Variants in DDX41 observed in about 807,000 individuals in gnomAD.
DDX41 encodes probable ATP-dependent RNA helicase DDX41.
In DDX41, 50 loss-of-function variants were observed where a neutral mutation model predicts 78.8. The observed-to-expected ratio is 0.63, with a 90% CI of 0.51 to 0.80. The LOEUF (loss-of-function observed/expected upper bound fraction) is 0.80, where lower values mean the gene tolerates loss of function less well. DDX41 is among the 30% of genes least tolerant of loss of function. The probability of loss-of-function intolerance (pLI) is 0.00; values close to 1 mark genes in which losing one functional copy is unlikely to be tolerated. For missense variants in DDX41, 633 were observed against 849.2 expected (o/e 0.75, Z 3.16); for synonymous variants, 381 against 321.5 (o/e 1.19, Z -1.98).
In DDX41 at chr5:177,513,574, CA is replaced by C. The variant is rs1761082583; in HGVS notation, c.1099-91del. 1 of 1,607,680 alleles carries C rather than the reference CA, an allele frequency of 6.2e-7. No homozygotes were observed. The highest frequency in any genetic ancestry group is 1.3e-5 in the African/African-American group (1 of 74,764). On this transcript the variant is annotated intron_variant, in intron 10 of 16. Transcript: ENST00000330503. The surrounding 1 kb of genome is among the most constrained non-coding windows in gnomAD (Gnocchi z 4.6). The stretch of plus-strand genomic sequence containing the variant: ...GAAGCTGAGCAACTGAGACACAGCC[CA>C]CAAAGTATGAGCAGTGGGTTGGGGT...
In DDX41 at chr5:177,516,197, A is replaced by G; in HGVS notation, c.299-4T>C. On this transcript the variant is annotated splice_region_variant and splice_polypyrimidine_tract_variant and intron_variant, in intron 3 of 16. Transcript: ENST00000330503. ...TCCTTGGCAGACTCTTTGCGCGCTG[A>G]GAAAAGAAGTGGAAGATGTCAGACA... is the stretch of plus-strand genomic sequence containing the variant. 5 of 1,614,120 alleles carry G rather than the reference A, an allele frequency of 3.1e-6. No homozygotes were observed. The highest frequency in any genetic ancestry group is 3.4e-6 in the Non-Finnish European group (4 of 1,180,046).
Position 177,514,342 on chromosome 5 carries a change from CCTT to C in DDX41, c.935+356_935+358del, listed in dbSNP as rs1196878081. On this transcript the variant is annotated intron_variant, in intron 9 of 16. Transcript: ENST00000330503. The surrounding 1 kb of genome is among the most constrained non-coding windows in gnomAD (Gnocchi z 4.2). ...CAGCCCTACCCCAGTGCCTCAACCT[CCTT>C]GACTGACCACTGAATGACCCTGACC... 1 of 461,176 alleles carries C rather than the reference CCTT, an allele frequency of 2.2e-6. No homozygotes were observed. The highest frequency in any genetic ancestry group is 2.0e-5 in the African/African-American group (1 of 50,552). The allele number at this position is 461,176 out of a possible 1,614,324, so 28.6% of individuals were successfully genotyped here. A position where few individuals can be genotyped will look rare whatever the true frequency, so the allele number is the denominator to read the frequency against.
rs1355532168 is a variant in DDX41, at chr5:177,514,160, T to C, written c.936-313A>G. 2 of 559,322 alleles carry C rather than the reference T, an allele frequency of 3.6e-6. No homozygotes were observed. Among genetic ancestry groups the C allele is most frequent in the Non-Finnish European group, 6.8e-6 (2 of 294,028 alleles). The allele number at this position is 559,322 out of a possible 1,614,324, so 34.6% of individuals were successfully genotyped here. A position where few individuals can be genotyped will look rare whatever the true frequency, so the allele number is the denominator to read the frequency against. Reference sequence around the variant, plus strand: ...CTTTCCTGGCCCACTGGCTTCACCTTTTCTGTGCTCACCATCTCCCTAATA... The same window carrying C: ...CTTTCCTGGCCCACTGGCTTCACCTCTTCTGTGCTCACCATCTCCCTAATA... On this transcript the variant is annotated intron_variant, in intron 9 of 16. Transcript: ENST00000330503. This position sits in a 1 kb window ranked among gnomAD's most constrained non-coding sequence, Gnocchi z 4.2.
intron 6 of DDX41, 163 bp from the exon 7 acceptor site, chr5:177,515,421 C>T (rs1360766186): frequency 1.1e-6 from 1 of 916,886 alleles, no homozygotes; most frequent in African/African-American, 1.7e-5. Flanking sequence ...GAGACTTGTC[C>T]AAGGCCCACA....
chr5:177,511,981 G>C, intron 16 of DDX41, 54 bp from the exon 17 acceptor site: 1 of 1,607,874 alleles, frequency 6.2e-7, no homozygotes, highest in Non-Finnish European at 8.5e-7. Context: ...TCCATGCCCT[G>C]GACTTCGGGC....
rs1639417520 is a variant in DDX41 at position 177,512,102 on chromosome 5, T to C, written c.1726A>G (p.Ile576Val). The change falls in exon 16 of 17, where the codon ATT becomes GTT. Residue 576 changes from isoleucine to valine, a missense_variant. Ile to Val is a conservative substitution (Grantham distance 29, BLOSUM62 3). Around this residue, in one of 6 missense-constraint regions of DDX41, gnomAD observed 185 missense variants for 367.4 expected, o/e 0.50. Coordinates refer to ENST00000330503, the MANE Select transcript of DDX41 (RefSeq NM_016222.4). ...LHCGDESMLD[I>V]GGERGCAFCG... ...GATCCCGCTCTGCAGTCACCTCCAA[T>C]GTCCAGCATGGACTCATCCCCGCAA... The C allele has an allele frequency of 5.6e-6, 9 of 1,613,030 alleles. No individual in the cohort carries two copies. Among genetic ancestry groups the C allele is most frequent in the Non-Finnish European group, 7.6e-6 (9 of 1,180,016 alleles).
chr5:177,512,921 A>G (rs1581803967), intron 12 of DDX41, 45 bp from the exon 13 acceptor site: 1 of 1,605,840 alleles, frequency 6.2e-7, no homozygotes, highest in Non-Finnish European at 8.5e-7. Context: ...CTGCCTGGGC[A>G]CCCACCGCAC....
intron 14 of DDX41, 26 bp from the exon 15 acceptor site, chr5:177,512,419 G>A (rs763678467): frequency 1.9e-6 from 3 of 1,613,960 alleles, no homozygotes; most frequent in African/African-American, 2.7e-5. Flanking sequence ...CAGAGTCTCT[G>A]GCCCATCGCT....
In DDX41 at chr5:177,516,212, G is replaced by A. The variant is rs1330694546; in HGVS notation, c.299-19C>T. The A allele has an allele frequency of 1.2e-6, 2 of 1,614,132 alleles. No individual in the cohort carries two copies. The highest frequency in any genetic ancestry group is 2.2e-5 in the East Asian group (1 of 44,884). Reference sequence around the variant, plus strand: ...TTGCGCGCTGAGAAAAGAAGTGGAAGATGTCAGACAGATACCAAAACGGTG... The same window carrying A: ...TTGCGCGCTGAGAAAAGAAGTGGAAAATGTCAGACAGATACCAAAACGGTG... On this transcript the variant is annotated intron_variant, in intron 3 of 16. Transcript: ENST00000330503.
chr5:177,513,613 G>A lies in DDX41; in HGVS notation c.1098+72C>T, dbSNP rs1761083961. Reference sequence around the variant, plus strand: ...AGTGGGTTGGGGTGGCCAGGGGCATGGGGTCCCTGCAGTCTGATGTGGCGT... The same window carrying A: ...AGTGGGTTGGGGTGGCCAGGGGCATAGGGTCCCTGCAGTCTGATGTGGCGT... On this transcript the variant is annotated intron_variant, in intron 10 of 16. Coordinates refer to ENST00000330503, the MANE Select transcript of DDX41 (RefSeq NM_016222.4). The surrounding 1 kb of genome is among the most constrained non-coding windows in gnomAD (Gnocchi z 4.6). 1.2e-6 allele frequency: 2 copies of A among 1,603,566 alleles called. No individual in the cohort carries two copies. Among genetic ancestry groups the A allele is most frequent in the Non-Finnish European group, 1.7e-6 (2 of 1,172,646 alleles).
chr5:177,515,658 T>C (rs1386786985), intron 6 of DDX41, 27 bp downstream of exon 6: 1 of 1,612,168 alleles, frequency 6.2e-7, no homozygotes, highest in Admixed American at 1.7e-5. Flanking sequence ...TATAAAAGTG[T>C]GGTATCTCTC....
chr5:177,514,813 C>T lies in DDX41; in HGVS notation c.823G>A (p.Gly275Ser), dbSNP rs756840368. The T allele has an allele frequency of 1.2e-6, 2 of 1,612,302 alleles. No individual in the cohort carries two copies. The highest frequency in any genetic ancestry group is 1.3e-5 in the African/African-American group (1 of 74,914). Reference protein sequence around the residue: ...PSRELARQTHGILEYYCRLLQ... With the variant: ...PSRELARQTHSILEYYCRLLQ... Reference sequence around the variant, plus strand: ...AGGCGGCAGTAGTACTCCAGGATGCCATGGGTCTGCCGGGCCAGCTCCCGC... The same window carrying T: ...AGGCGGCAGTAGTACTCCAGGATGCTATGGGTCTGCCGGGCCAGCTCCCGC... Residue 275 changes from glycine (G) to serine (S), a missense_variant, in exon 9 of 17, where the codon GGC becomes AGC. Coordinates refer to ENST00000330503, the MANE Select transcript of DDX41 (RefSeq NM_016222.4). The surrounding 1 kb of genome is among the most constrained non-coding windows in gnomAD (Gnocchi z 4.2).
In DDX41 at chr5:177,513,937, T is replaced by A. The variant is rs529069134; in HGVS notation, c.936-90A>T. On this transcript the variant is annotated intron_variant, in intron 9 of 16. Transcript: ENST00000330503. The surrounding 1 kb of genome is among the most constrained non-coding windows in gnomAD (Gnocchi z 4.6). ...GGCACCCTGCATCTGCTCTGCTCTCTGTCCTCCTTCCTATTTCTTTGTCTG... is the reference window on the plus strand; with the variant it reads ...GGCACCCTGCATCTGCTCTGCTCTCAGTCCTCCTTCCTATTTCTTTGTCTG... The A allele has an allele frequency of 7.7e-7, 1 of 1,298,870 alleles. No homozygotes were observed. The highest frequency in any genetic ancestry group is 2.3e-5 in the East Asian group (1 of 42,598). The allele number at this position is 1,298,870 out of a possible 1,614,324, so 80.5% of individuals were successfully genotyped here.
chr5:177,512,938 T>G (rs946956141), intron 12 of DDX41, 62 bp from the exon 13 acceptor site: 4 of 1,606,896 alleles, frequency 2.5e-6, no homozygotes, highest in African/African-American at 1.3e-5. Context: ...GCACCTCCCC[T>G]GGCACTCTGT....
chr5:177,515,677 C>T lies in DDX41; in HGVS notation c.571+8G>A, dbSNP rs746287570. On this transcript the variant is annotated splice_region_variant and intron_variant, in intron 6 of 16. Coordinates refer to ENST00000330503, the MANE Select transcript of DDX41 (RefSeq NM_016222.4). Reference sequence around the variant, plus strand: ...AAAGTGTGGTATCTCTCTCCAGCCCCTGACTACCTGCAGGAAACTTCATTT... The same window carrying T: ...AAAGTGTGGTATCTCTCTCCAGCCCTTGACTACCTGCAGGAAACTTCATTT... 3.1e-6 allele frequency: 5 copies of T among 1,613,716 alleles called. No individual in the cohort carries two copies. The highest frequency in any genetic ancestry group is 2.7e-5 in the African/African-American group (2 of 74,922).
Position 177,514,925 on chromosome 5 carries a change from G to A in DDX41, c.789C>T (p.Ile263=), listed in dbSNP as rs1383347413. The change falls in exon 8 of 17, where the codon ATC becomes ATT. Residue 263 remains isoleucine, a synonymous_variant. Transcript: ENST00000330503. The surrounding 1 kb of genome is among the most constrained non-coding windows in gnomAD (Gnocchi z 4.2). ...GGCCAGCCTATCTTACCGAGGGGCA[G>A]ATGATGAGTCCATAGGGCCCCTCGC... ...SKREGPYGLI[I]CPSRELARQT... 3 of 1,605,660 alleles carry A rather than the reference G, an allele frequency of 1.9e-6. No homozygotes were observed. The highest frequency in any genetic ancestry group is 1.7e-5 in the Admixed American group (1 of 59,896).
rs61736559 is a variant in DDX41 at position 177,516,825 on chromosome 5, G to A, written c.38C>T (p.Thr13Ile). Residue 13 changes from threonine (T) to isoleucine (I), a missense_variant, in exon 2 of 17, where the codon ACC (threonine) becomes ATC (isoleucine). Transcript: ENST00000330503. ...GCTTCCTCCGGCAGGCACCTCGTCG[G>A]TGCGAGCCCGCTGCAAGCACACGCC... Reference protein sequence around the residue: ...ESEPERKRARTDEVPAGGSRS... With the variant: ...ESEPERKRARIDEVPAGGSRS... 106 of 1,612,572 alleles carry A rather than the reference G, an allele frequency of 6.6e-5. No individual in the cohort carries two copies. The highest frequency in any genetic ancestry group is 5.0e-5 in the Admixed American group (3 of 59,972).
chr5:177,512,015 A>G (rs1266575009), intron 16 of DDX41, 81 bp downstream of exon 16: 2 of 1,606,344 alleles, frequency 1.2e-6, no homozygotes, highest in Non-Finnish European at 8.5e-7. Flanking sequence ...CCCTCGGTCC[A>G]CCGGTTTCAC....
chr5:177,514,229 C>T lies in DDX41; in HGVS notation c.936-382G>A. On this transcript the variant is annotated intron_variant, in intron 9 of 16. Transcript: ENST00000330503. This position sits in a 1 kb window ranked among gnomAD's most constrained non-coding sequence, Gnocchi z 4.2. ...AAGGCCTCCGGGATGGGGTCTGGCC[C>T]ATCTGTGAACAGAGGGCCTGGTCCA... 2.0e-6 allele frequency: 1 copy of T among 491,796 alleles called. No individual in the cohort carries two copies. The highest frequency in any genetic ancestry group is 4.0e-6 in the Non-Finnish European group (1 of 251,016). 30.5% of individuals were successfully genotyped at this position (491,796 alleles called of 1,614,324 possible).
Sources: gnomAD v4.1 joint callset for allele counts on GRCh38, gnomAD v4.1.1 for gene constraint, gnomAD v4.1.1 regional missense constraint, Gnocchi (gnomAD v3.1) non-coding constraint, MANE v1.5 for transcripts, NCBI Gene and HGNC (gene_info 2026-07-23, HGNC 2026-07-21) for gene names.